GRHL2: variants seen among roughly 807,000 people sequenced by gnomAD.
GRHL2 encodes grainyhead-like protein 2 homolog.
Under a neutral mutation model 83.8 loss-of-function variants are expected in GRHL2, and 21 were observed. The ratio of observed to expected loss-of-function variants is 0.25; its 90% CI spans 0.18 to 0.36. The LOEUF (loss-of-function observed/expected upper bound fraction) is 0.36, where lower values mean the gene tolerates loss of function less well. Among genes scored for constraint, GRHL2 ranks in the 10% least tolerant of loss-of-function variants. GRHL2 has a pLI of 1.00. For missense variants in GRHL2, 623 were observed against 781.8 expected, an observed-to-expected ratio of 0.80 and a Z score of 2.42; for synonymous variants, 280 against 278.9, an observed-to-expected ratio of 1.00 and a Z score of -0.04.
chr8:101,611,894 A>T (rs10095196), intron 8 of GRHL2, among the ~76,000 whole-genome samples: 1 of 150,256 alleles, frequency 6.7e-6, no homozygotes, highest in Non-Finnish European at 1.5e-5. Context: ...CAGAGGCAGC[A>T]TGCGCTTTCT....
intron 1 of GRHL2, among the ~76,000 whole-genome samples, chr8:101,500,992 T>C (rs988619593): frequency 1.3e-5 from 2 of 152,186 alleles, no homozygotes; most frequent in African/African-American, 2.4e-5. Flanking sequence ...TGGTGAGCAG[T>C]AGTAATATTA....
intron 14 of GRHL2, among the ~76,000 whole-genome samples, chr8:101,662,860 C>CATATATATATATATATATATAT (rs34202494): frequency 8.2e-5 from 12 of 146,186 alleles, no homozygotes; most frequent in African/African-American, 2.3e-4. Context: ...TATGTACTTA[C>CATATATATATATATATATATAT]ATATATATAC....
intron 12 of GRHL2, among the ~76,000 whole-genome samples, chr8:101,638,336 C>T (rs1813330679): frequency 6.6e-6 from 1 of 152,162 alleles, no homozygotes; most frequent in South Asian, 2.1e-4. Context: ...GTATAGTCTG[C>T]AAACTACAAA....
intron 1 of GRHL2, among the ~76,000 whole-genome samples, chr8:101,541,633 C>G (rs1242408055): frequency 6.6e-6 from 1 of 152,116 alleles, no homozygotes; most frequent in Non-Finnish European, 1.5e-5. Context: ...TAGGTGTTAA[C>G]TGAAATACAA....
intron 1 of GRHL2, among the ~76,000 whole-genome samples, chr8:101,500,865 A>G (rs1276738514): frequency 7.2e-6 from 1 of 139,126 alleles, no homozygotes; most frequent in Non-Finnish European, 1.6e-5. Context: ...AAAAAAAAAA[A>G]GTACTGGATT....
chr8:101,533,617 A>T (rs901959786), intron 1 of GRHL2, among the ~76,000 whole-genome samples: 1 of 152,200 alleles, frequency 6.6e-6, no homozygotes, highest in Non-Finnish European at 1.5e-5. Context: ...AAAAAGAAAG[A>T]GTCGAGAGCT....
chr8:101,512,123 C>CT (rs1427561393), intron 1 of GRHL2, among the ~76,000 whole-genome samples: 3 of 150,688 alleles, frequency 2.0e-5, no homozygotes, highest in Non-Finnish European at 2.9e-5. Context: ...AATTAGTCTA[C>CT]TTTAAAAAAA....
At chr8:101,602,366 A>C (rs1410555931) in intron 8 of GRHL2, among the ~76,000 whole-genome samples, 1 of 152,222 alleles carries the variant, frequency 6.6e-6, no homozygotes, top group Non-Finnish European at 1.5e-5. Flanking sequence ...TTGCATTTGC[A>C]TTCAAATTCC....
intron 7 of GRHL2, among the ~76,000 whole-genome samples, chr8:101,598,113 T>G (rs1332942740): frequency 6.6e-6 from 1 of 152,190 alleles, no homozygotes; most frequent in Non-Finnish European, 1.5e-5. Flanking sequence ...TTATAGCTAT[T>G]GCATTTGTGG....
At chr8:101,516,514 C>T (rs907664188) in intron 1 of GRHL2, among the ~76,000 whole-genome samples, 2 of 149,552 alleles carry the variant, frequency 1.3e-5, no homozygotes, top group African/African-American at 4.9e-5. Flanking sequence ...ATCTCCCAGG[C>T]TCAAGGGACA....
chr8:101,508,866 T>C (rs1380864946), intron 1 of GRHL2, among the ~76,000 whole-genome samples: 3 of 152,152 alleles, frequency 2.0e-5, no homozygotes, highest in Non-Finnish European at 2.9e-5. Flanking sequence ...AGGTTTAAGA[T>C]TGTAATTAGA....
chr8:101,560,284 C>T (rs1008750098), intron 4 of GRHL2, among the ~76,000 whole-genome samples: 3 of 152,178 alleles, frequency 2.0e-5, no homozygotes, highest in African/African-American at 7.2e-5. Context: ...CTGCTTCGGC[C>T]TCCCGAAGTG....
At chr8:101,625,676 A>T (rs1699898809) in intron 9 of GRHL2, among the ~76,000 whole-genome samples, 1 of 152,062 alleles carries the variant, frequency 6.6e-6, no homozygotes. Context: ...TATGCATAAA[A>T]ACTGGGAAGG....
At chr8:101,607,319 A>C (rs1307773247) in intron 8 of GRHL2, among the ~76,000 whole-genome samples, 1 of 152,196 alleles carries the variant, frequency 6.6e-6, no homozygotes, top group Non-Finnish European at 1.5e-5. Context: ...AAGATGTGTA[A>C]ACACTGTTTT....
chr8:101,641,997 T>C, intron 12 of GRHL2, among the ~76,000 whole-genome samples: 1 of 152,228 alleles, frequency 6.6e-6, no homozygotes, highest in East Asian at 1.9e-4. Context: ...ACATGTCCAG[T>C]ACAGATGCAA....
intron 7 of GRHL2, among the ~76,000 whole-genome samples, chr8:101,584,612 A>G (rs755904915): frequency 3.3e-5 from 5 of 152,160 alleles, no homozygotes; most frequent in Admixed American, 1.3e-4. Context: ...AGTTTTTTTT[A>G]TTTGAGTTTT....
At chr8:101,638,445 C>T (rs1485568536) in intron 12 of GRHL2, among the ~76,000 whole-genome samples, 5 of 152,180 alleles carry the variant, frequency 3.3e-5, no homozygotes, top group Non-Finnish European at 2.9e-5. Flanking sequence ...CCTTAAGTAA[C>T]GTGCTACTGG....
In GRHL2 at chr8:101,607,576, C is replaced by T. The variant is rs141930530; in HGVS notation, c.1098+8425C>T. ...AATGTATTGGCTGATTTTAAACAGGCGATCTTGTGGAAAATTACAGAATAT... is the reference window on the plus strand; with the variant it reads ...AATGTATTGGCTGATTTTAAACAGGTGATCTTGTGGAAAATTACAGAATAT... On this transcript the variant is annotated intron_variant, in intron 8 of 15. Coordinates refer to ENST00000646743, the MANE Select transcript of GRHL2 (RefSeq NM_024915.4). Among the ~76,000 whole-genome samples, 108 of 152,186 alleles carry T rather than the reference C, an allele frequency of 7.1e-4. No individual in the cohort carries two copies. In the East Asian group the frequency reaches 0.013, roughly 18 times the overall value.
the GRHL2 span, among the ~76,000 whole-genome samples, chr8:101,678,638 C>T: frequency 6.6e-6 from 1 of 150,594 alleles, no homozygotes; most frequent in African/African-American, 2.4e-5. Flanking sequence ...AGGGCACAGA[C>T]AAACAAAAAG....
Sources: gnomAD v4.1 joint callset for allele counts (sites outside exome capture counted in the v4.1 genomes callset) on GRCh38, gnomAD v4.1.1 for gene constraint, MANE v1.5 for transcripts, NCBI Gene and HGNC (gene_info 2026-07-23, HGNC 2026-07-21) for gene names.